Variants in YY1 observed in about 807,000 individuals in gnomAD.
YY1 encodes YY1 transcription factor, also known as transcriptional repressor protein YY1.
In YY1, 2 loss-of-function variants were observed where a neutral mutation model predicts 35.6. The ratio of observed to expected loss-of-function variants is 0.06; its 90% confidence interval spans 0.02 to 0.18. The LOEUF (loss-of-function observed/expected upper bound fraction) is 0.18, where lower values mean the gene tolerates loss of function less well. Ranked by LOEUF, YY1 falls within the 10% of genes least tolerant of loss-of-function variation. YY1 has a pLI of 1.00. For missense variants in YY1, 322 were observed against 573.4 expected (o/e 0.56, Z 4.48); for synonymous variants, 268 against 238.9 (o/e 1.12, Z -1.12).
intron 2 of YY1, chr14:100,264,019 T>C (rs955617594): frequency 6.6e-6 from 1 of 151,942 alleles, no homozygotes; most frequent in African/African-American, 2.4e-5. Context: ...CTGGCTAATT[T>C]TTTTATTTTA....
intron 2 of YY1, among the ~76,000 whole-genome samples, chr14:100,274,377 G>C (rs1412180433): frequency 6.6e-6 from 1 of 152,136 alleles, no homozygotes; most frequent in African/African-American, 2.4e-5. Context: ...TTTTTTTAAA[G>C]GGTTTGGAGT....
intron 2 of YY1, among the ~76,000 whole-genome samples, chr14:100,274,281 C>CT (rs1325411749): frequency 6.6e-6 from 1 of 152,160 alleles, no homozygotes; most frequent in East Asian, 1.9e-4. Context: ...CATAAGGCAC[C>CT]TTCATCATCG....
intron 1 of YY1, among the ~76,000 whole-genome samples, chr14:100,243,042 G>T (rs1386641685): frequency 1.3e-5 from 2 of 152,166 alleles, no homozygotes; most frequent in African/African-American, 4.8e-5. Context: ...GTGTTTTGTG[G>T]TAAACTATCC....
At chr14:100,242,378 GTTTTTTTT>G (rs57406488) in intron 1 of YY1, among the ~76,000 whole-genome samples, 4,329 of 109,966 alleles carry the variant, frequency 0.039, 285 homozygotes, top group African/African-American at 0.13. Flanking sequence ...TTTGTTTTTT[GTTTTTTTT>G]TTTTTTTTTT....
At chr14:100,246,533 A>C (rs1456224266) in intron 1 of YY1, among the ~76,000 whole-genome samples, 2 of 152,220 alleles carry the variant, frequency 1.3e-5, no homozygotes, top group Admixed American at 6.5e-5. Flanking sequence ...TAAACTGCTG[A>C]AGGAGAGGCA....
At chr14:100,248,039 A>C (rs1190264008) in intron 1 of YY1, among the ~76,000 whole-genome samples, 1 of 150,796 alleles carries the variant, frequency 6.6e-6, no homozygotes, top group East Asian at 1.9e-4. Context: ...CTGCCTCCCG[A>C]GTTCAAACAA....
chr14:100,266,353 A>G (rs922039494), intron 2 of YY1, among the ~76,000 whole-genome samples: 1 of 152,134 alleles, frequency 6.6e-6, no homozygotes, highest in Non-Finnish European at 1.5e-5. Context: ...ACCTCTTTGG[A>G]TTATACATTG....
Position 100,262,356 on chromosome 14 carries a change from A to C in YY1, c.732A>C (p.Gly244=). The change falls in exon 2 of 5, where the codon GGA becomes GGC. Residue 244 remains glycine, a synonymous_variant. Coordinates refer to ENST00000262238, the MANE Select transcript of YY1 (RefSeq NM_003403.5). ...CAGTGGTTGAAGAACAGATCATTGGAGAGAACTCACCTCCTGATTATTCAG... is the reference window on the plus strand; with the variant it reads ...CAGTGGTTGAAGAACAGATCATTGGCGAGAACTCACCTCCTGATTATTCAG... ...HETVVEEQII[G]ENSPPDYSEY... 1.9e-6 allele frequency: 3 copies of C among 1,614,122 alleles called. No homozygotes were observed. The highest frequency in any genetic ancestry group is 2.5e-6 in the Non-Finnish European group (3 of 1,180,042).
intron 1 of YY1, among the ~76,000 whole-genome samples, chr14:100,260,548 C>T (rs1417613453): frequency 2.7e-5 from 4 of 150,592 alleles, no homozygotes; most frequent in Non-Finnish European, 5.9e-5. Flanking sequence ...TCTCTGCTCA[C>T]TGCAAGCTCT....
intron 3 of YY1, among the ~76,000 whole-genome samples, 168 bp downstream of exon 3, chr14:100,274,926 A>G (rs915904161): frequency 3.3e-5 from 5 of 152,148 alleles, no homozygotes; most frequent in Non-Finnish European, 7.4e-5. Flanking sequence ...AGTAAAGGCA[A>G]CTTTTTAAAT....
chr14:100,267,929 C>T (rs554774889), intron 2 of YY1, among the ~76,000 whole-genome samples: 4 of 152,342 alleles, frequency 2.6e-5, no homozygotes, highest in African/African-American at 9.6e-5. Context: ...TTTGTTAGAT[C>T]TTCACGTTTT....
chr14:100,246,997 C>T (rs1287329904), intron 1 of YY1, among the ~76,000 whole-genome samples: 1 of 152,140 alleles, frequency 6.6e-6, no homozygotes, highest in East Asian at 1.9e-4. Context: ...TTGCCTTTTC[C>T]CTCCCACTAT....
chr14:100,240,057 C>G, intron 1 of YY1, 134 bp downstream of exon 1: 1 of 732,996 alleles, frequency 1.4e-6, no homozygotes, highest in East Asian at 4.3e-5. Context: ...GCGGGCCGTG[C>G]GGCGGCGGGG....
chr14:100,245,883 A>C (rs191771628), intron 1 of YY1, among the ~76,000 whole-genome samples: 1 of 152,314 alleles, frequency 6.6e-6, no homozygotes, highest in Admixed American at 6.5e-5. Flanking sequence ...CTGGGATTAC[A>C]GACGTGAGCC....
At chr14:100,251,861 C>T (rs1282707999) in intron 1 of YY1, among the ~76,000 whole-genome samples, 1 of 152,082 alleles carries the variant, frequency 6.6e-6, no homozygotes, top group African/African-American at 2.4e-5. Context: ...TTCCTGGCCT[C>T]AAGAGATCCT....
intron 1 of YY1, among the ~76,000 whole-genome samples, chr14:100,258,723 C>T (rs773582509): frequency 2.0e-5 from 3 of 152,220 alleles, no homozygotes; most frequent in Non-Finnish European, 1.5e-5. Flanking sequence ...TCTGTGCCTG[C>T]GCATTCTCCT....
intron 2 of YY1, among the ~76,000 whole-genome samples, chr14:100,274,347 G>A (rs997608131): frequency 3.3e-5 from 5 of 152,078 alleles, no homozygotes; most frequent in Admixed American, 3.3e-4. Flanking sequence ...TCATCTGATT[G>A]TCTGAGTTGA....
At chr14:100,266,326 CGA>C (rs1455299863) in intron 2 of YY1, among the ~76,000 whole-genome samples, 1 of 151,832 alleles carries the variant, frequency 6.6e-6, no homozygotes, top group East Asian at 1.9e-4. Flanking sequence ...TCAGGAGGTA[CGA>C]GAGAGAGGAA....
Position 100,276,409 on chromosome 14 carries a change from T to C in YY1, c.904-81T>C. 1.9e-6 allele frequency: 3 copies of C among 1,603,294 alleles called. No homozygotes were observed. In the South Asian group the frequency reaches 3.3e-5, roughly 18 times the overall value. ...TTGGGGAGGTGGTTTTGTTTTAATA[T>C]GTCAGTAAAGGCTGTTAAATGGTTG... On this transcript the variant is annotated intron_variant, in intron 3 of 4. Transcript: ENST00000262238. This position sits in a 1 kb window ranked among gnomAD's most constrained non-coding sequence, Gnocchi z 4.1.
Sources: allele counts gnomAD v4.1 joint callset (sites outside exome capture counted in the v4.1 genomes callset), GRCh38; gene constraint gnomAD v4.1.1; non-coding constraint Gnocchi (gnomAD v3.1); transcripts MANE v1.5; gene names NCBI Gene and HGNC (gene_info 2026-07-23, HGNC 2026-07-21).